LMBR1: variants seen among roughly 807,000 people sequenced by gnomAD.
LMBR1 encodes limb region 1 protein homolog.
LMBR1 carries 52 observed loss-of-function variants against 73.9 expected under a neutral mutation model. The ratio of observed to expected loss-of-function variants is 0.70; its 90% CI spans 0.56 to 0.89. The LOEUF is 0.89. LMBR1 is among the 40% of genes least tolerant of loss of function. The pLI is 0.00. For missense variants in LMBR1, 539 were observed against 579.8 expected (o/e 0.93, Z 0.72); for synonymous variants, 215 against 209.4 (o/e 1.03, Z -0.23).
intron 5 of LMBR1, among the ~76,000 whole-genome samples, chr7:156,764,249 C>T (rs1823676899): frequency 6.6e-6 from 1 of 152,152 alleles, no homozygotes; most frequent in African/African-American, 2.4e-5. Flanking sequence ...TCACAGCCTC[C>T]GGAGCCCTCT....
intron 9 of LMBR1, among the ~76,000 whole-genome samples, chr7:156,748,299 A>T (rs1820205720): frequency 6.6e-6 from 1 of 152,192 alleles, no homozygotes; most frequent in Non-Finnish European, 1.5e-5. Flanking sequence ...GCTAGGTACA[A>T]TTAAAACAAT....
Position 156,796,382 on chromosome 7 carries a change from C to T in LMBR1, c.423+7G>A. 1 of 1,578,288 alleles carries T rather than the reference C, an allele frequency of 6.3e-7. No individual in the cohort carries two copies. The highest frequency in any genetic ancestry group is 2.3e-5 in the East Asian group (1 of 44,160). On this transcript the variant is annotated splice_region_variant and intron_variant, in intron 5 of 16. Transcript: ENST00000353442. ...ACCAATTTAATTCCAATACTAGATT[C>T]ACTTACCTTTTTCAGGCCAGCAAAG...
intron 1 of LMBR1, among the ~76,000 whole-genome samples, chr7:156,860,990 T>A (rs1797640058): frequency 6.6e-6 from 1 of 152,234 alleles, no homozygotes; most frequent in African/African-American, 2.4e-5. Context: ...AAGCTGTCAG[T>A]GGACGTACCA....
At chr7:156,686,027 G>T (rs1186548087) in intron 16 of LMBR1, among the ~76,000 whole-genome samples, 2 of 152,172 alleles carry the variant, frequency 1.3e-5, no homozygotes, top group Non-Finnish European at 2.9e-5. Flanking sequence ...CAGGTCCCAG[G>T]AATGACAATA....
At chr7:156,764,084 G>A (rs1823640903) in intron 5 of LMBR1, among the ~76,000 whole-genome samples, 1 of 152,178 alleles carries the variant, frequency 6.6e-6, no homozygotes, top group Non-Finnish European at 1.5e-5. Flanking sequence ...TAACAAAGCA[G>A]ATTAATGAAT....
intron 14 of LMBR1, 117 bp downstream of exon 14, chr7:156,725,318 G>A (rs1202494899): frequency 2.4e-5 from 15 of 617,844 alleles, no homozygotes; most frequent in African/African-American, 1.1e-4. Flanking sequence ...TTGTGTTTAC[G>A]CAACTTACAA....
chr7:156,696,557 G>A (rs889069036), intron 15 of LMBR1, among the ~76,000 whole-genome samples: 54 of 152,282 alleles, frequency 3.5e-4, no homozygotes, highest in Middle Eastern at 3.4e-3. Context: ...GGCAGAGGGC[G>A]AAAGGCACTT....
chr7:156,810,718 T>C (rs1832944986), intron 4 of LMBR1, among the ~76,000 whole-genome samples: 1 of 151,214 alleles, frequency 6.6e-6, no homozygotes, highest in Non-Finnish European at 1.5e-5. Context: ...CAACATGAGG[T>C]ATGGGGGAAT....
intron 1 of LMBR1, among the ~76,000 whole-genome samples, chr7:156,838,423 T>G (rs1205868471): frequency 6.6e-6 from 1 of 152,146 alleles, no homozygotes; most frequent in African/African-American, 2.4e-5. Flanking sequence ...TTTCCAAAAG[T>G]TCAACATTTT....
At chr7:156,735,390 G>A (rs981662387) in intron 9 of LMBR1, among the ~76,000 whole-genome samples, 16 of 151,844 alleles carry the variant, frequency 1.1e-4, no homozygotes, top group African/African-American at 2.4e-5. Context: ...ATATTTCTAT[G>A]CATTTATCAC....
At chr7:156,719,679 C>T (rs1340617735) in intron 15 of LMBR1, among the ~76,000 whole-genome samples, 2 of 152,044 alleles carry the variant, frequency 1.3e-5, no homozygotes, top group Non-Finnish European at 2.9e-5. Flanking sequence ...AAGCTGGAGG[C>T]ATCATGCTAC....
chr7:156,883,883 T>C (rs939310182), intron 1 of LMBR1, among the ~76,000 whole-genome samples: 1 of 152,160 alleles, frequency 6.6e-6, no homozygotes, highest in Admixed American at 6.6e-5. Context: ...AATTCTCCTT[T>C]AACATACTCA....
chr7:156,722,442 T>C (rs1389357823), intron 15 of LMBR1, among the ~76,000 whole-genome samples: 1 of 152,194 alleles, frequency 6.6e-6, no homozygotes, highest in Non-Finnish European at 1.5e-5. Flanking sequence ...AGTAACTCTC[T>C]AGTTTGCATT....
At chr7:156,675,926 G>A (rs1803846959), downstream of LMBR1, 2 of 1,534,560 alleles carry the variant, frequency 1.3e-6, no homozygotes, top group Non-Finnish European at 1.8e-6. Flanking sequence ...GCTGTGGGGA[G>A]TGGCATGTGG....
chr7:156,813,487 G>A (rs1040170917), intron 4 of LMBR1, among the ~76,000 whole-genome samples: 44 of 152,082 alleles, frequency 2.9e-4, no homozygotes, highest in Non-Finnish European at 7.4e-5. Flanking sequence ...ATTACTAAAA[G>A]AGTAAGCCTC....
chr7:156,676,426 G>A (rs572104115), downstream of LMBR1: 48 of 1,614,058 alleles, frequency 3.0e-5, no homozygotes, highest in South Asian at 4.3e-4. Flanking sequence ...CAGGCTCTGC[G>A]CCGGGAGACC....
intron 5 of LMBR1, among the ~76,000 whole-genome samples, chr7:156,790,059 T>C (rs1448702722): frequency 4.6e-5 from 7 of 152,036 alleles, no homozygotes; most frequent in Non-Finnish European, 8.8e-5. Flanking sequence ...TATAAAAGGG[T>C]TTGAAGTTTA....
intron 15 of LMBR1, among the ~76,000 whole-genome samples, 167 bp from the exon 16 acceptor site, chr7:156,688,358 T>C (rs1806404777): frequency 2.0e-5 from 3 of 152,060 alleles, no homozygotes; most frequent in Non-Finnish European, 2.9e-5. Flanking sequence ...TATTATCTAG[T>C]GGGACAGCCT....
At chr7:156,728,941 G>A (rs1816310603) in intron 10 of LMBR1, among the ~76,000 whole-genome samples, 1 of 152,140 alleles carries the variant, frequency 6.6e-6, no homozygotes, top group Non-Finnish European at 1.5e-5. Context: ...CTAGGCTCAA[G>A]TGATCCTCCC....
Sources: allele counts gnomAD v4.1 joint callset (sites outside exome capture counted in the v4.1 genomes callset), GRCh38; gene constraint gnomAD v4.1.1; transcripts MANE v1.5; gene names NCBI Gene and HGNC (gene_info 2026-07-23, HGNC 2026-07-21).